The following ERVK3-1 variants were observed in gnomAD, a reference collection of about 807,000 sequenced individuals.
The protein encoded by ERVK3-1 is endogenous retrovirus group K3 member 1.
Position 58,310,349 on chromosome 19 carries a change from GGC to G in ERVK3-1, c.-3-1816_-3-1815del. 1 of 157,196 alleles carries G rather than the reference GGC, an allele frequency of 6.4e-6. No individual in the cohort carries two copies. The highest frequency in any genetic ancestry group is 6.5e-5 in the Admixed American group (1 of 15,388). The allele number at this position is 157,196 out of a possible 1,614,324, so 9.7% of individuals were successfully genotyped here. On this transcript the variant is annotated intron_variant, in intron 2 of 3. Transcript: ENST00000413518. This position sits in a 1 kb window ranked among gnomAD's most constrained non-coding sequence, Gnocchi z 4.7. ...AAAGACACAAGACAAAGAGATAAAA[GGC>G]AGCTGGGCCTGGGGGACCACTACCA...
chr19:58,314,039 G>A (rs958572281), intron 3 of ERVK3-1, among the ~76,000 whole-genome samples: 7 of 152,162 alleles, frequency 4.6e-5, no homozygotes, highest in African/African-American at 1.7e-4. Flanking sequence ...ACAAACAAAG[G>A]TAGCAATGTT....
In ERVK3-1 at chr19:58,313,590, C is replaced by T. The variant is rs1037517043; in HGVS notation, c.294+1128C>T. ...ACAGGCGTGAGCCACCATGCCCGGC[C>T]AGTTTGTGTTTTTAATCCCTATGTT... On this transcript the variant is annotated intron_variant, in intron 3 of 3. Transcript: ENST00000413518. The surrounding 1 kb of genome is among the most constrained non-coding windows in gnomAD (Gnocchi z 4.5). Among the ~76,000 whole-genome samples, 2 of 152,226 alleles carry T rather than the reference C, an allele frequency of 1.3e-5. No homozygotes were observed. Among genetic ancestry groups the T allele is most frequent in the Non-Finnish European group, 2.9e-5 (2 of 68,036 alleles).
chr19:58,307,058 A>G (rs887008300), intron 2 of ERVK3-1, among the ~76,000 whole-genome samples: 4 of 152,240 alleles, frequency 2.6e-5, no homozygotes, highest in African/African-American at 9.6e-5. Context: ...GGACATGGGA[A>G]CATTACAGAG....
exon 4 of ERVK3-1, chr19:58,315,490 A>G (rs1352326265): frequency 6.6e-6 from 1 of 152,246 alleles, no homozygotes; most frequent in Non-Finnish European, 1.5e-5. Flanking sequence ...GAACGTTTTC[A>G]GAGTTCATCC....
chr19:58,312,217 G>A lies in ERVK3-1; in HGVS notation c.49G>A (p.Gly17Arg), dbSNP rs1191170101. ...TCCAGGTGTGTGTGACCATGGAACG[G>A]GAGACCGGAGGGATCCATGGTATTC... The change falls in exon 3 of 4, where the codon GGA (glycine) becomes AGA (arginine). Residue 17 changes from glycine (G) to arginine (R), a missense_variant. By Grantham distance (125) the Gly-to-Arg change is moderately radical (BLOSUM62 -2). Transcript: ENST00000413518. This position sits in a 1 kb window ranked among gnomAD's most constrained non-coding sequence, Gnocchi z 4.7. 1.6e-4 allele frequency: 65 copies of A among 400,062 alleles called. No homozygotes were observed. In the East Asian group the frequency reaches 2.3e-3, roughly 14 times the overall value. 24.8% of individuals were successfully genotyped at this position (400,062 alleles called of 1,614,324 possible).
downstream of ERVK3-1, among the ~76,000 whole-genome samples, chr19:58,315,840 C>T (rs984894699): frequency 1.3e-5 from 2 of 152,192 alleles, no homozygotes; most frequent in Non-Finnish European, 2.9e-5. Flanking sequence ...TCCAGAATCC[C>T]AGGCCTGGGC....
intron 1 of ERVK3-1, 50 bp from the exon 2 acceptor site, chr19:58,306,038 C>T (rs1182880194): frequency 6.6e-6 from 1 of 152,342 alleles, no homozygotes; most frequent in South Asian, 2.1e-4. Flanking sequence ...CAAACAGATC[C>T]TTTTGTCTTT....
In ERVK3-1 at chr19:58,313,435, G is replaced by A. The variant is rs936841947; in HGVS notation, c.294+973G>A. Among the ~76,000 whole-genome samples, 7 of 152,056 alleles carry A rather than the reference G, an allele frequency of 4.6e-5. No individual in the cohort carries two copies. The highest frequency in any genetic ancestry group is 9.7e-5 in the African/African-American group (4 of 41,370). On this transcript the variant is annotated intron_variant, in intron 3 of 3. Transcript: ENST00000413518. This position sits in a 1 kb window ranked among gnomAD's most constrained non-coding sequence, Gnocchi z 4.5. ...CGAGTAGCTGGGATTACAGGCACCCGCCACCGTGCCAGGCTATTTTTTGTT... is the reference window on the plus strand; with the variant it reads ...CGAGTAGCTGGGATTACAGGCACCCACCACCGTGCCAGGCTATTTTTTGTT...
chr19:58,314,273 C>G (rs148941410), intron 3 of ERVK3-1, among the ~76,000 whole-genome samples: 140 of 152,228 alleles, frequency 9.2e-4, no homozygotes, highest in East Asian at 4.2e-3. Context: ...CTTGAATAAG[C>G]AAACTCAAAA....
downstream of ERVK3-1, among the ~76,000 whole-genome samples, chr19:58,316,457 G>T (rs886250119): frequency 2.0e-5 from 3 of 152,126 alleles, no homozygotes; most frequent in African/African-American, 4.8e-5. Flanking sequence ...CAGGCCTGAG[G>T]TTGGGCCTAT....
chr19:58,315,364 C>T (rs1355572087), exon 4 of ERVK3-1: 2 of 152,234 alleles, frequency 1.3e-5, no homozygotes, highest in East Asian at 3.9e-4. Flanking sequence ...TTCGCTCTTC[C>T]TCCAGCCTCT....
exon 4 of ERVK3-1, chr19:58,314,758 C>G: frequency 2.5e-6 from 1 of 399,136 alleles, no homozygotes; most frequent in East Asian, 3.6e-5. Context: ...TCTATAGGAT[C>G]GGGTGAACCA....
downstream of ERVK3-1, among the ~76,000 whole-genome samples, chr19:58,315,940 G>C (rs933494775): frequency 2.0e-5 from 3 of 152,212 alleles, no homozygotes; most frequent in East Asian, 5.8e-4. Flanking sequence ...ACCTGTCTCT[G>C]CAAGAGTCAC....
Position 58,312,520 on chromosome 19 carries a change from G to A in ERVK3-1, c.294+58G>A, listed in dbSNP as rs2051563054. ...TTGGGCATATGTTCCTAACCCACTG[G>A]TAGTACGACTGGTACTCTGGAGCGA... is the stretch of plus-strand genomic sequence containing the variant. On this transcript the variant is annotated intron_variant, in intron 3 of 3. Coordinates refer to ENST00000413518, the Ensembl canonical transcript of ERVK3-1. The surrounding 1 kb of genome is among the most constrained non-coding windows in gnomAD (Gnocchi z 4.7). 2.5e-6 allele frequency: 1 copy of A among 399,428 alleles called. No individual in the cohort carries two copies. The highest frequency in any genetic ancestry group is 2.1e-5 in the African/African-American group (1 of 48,580). 24.7% of individuals were successfully genotyped at this position (399,428 alleles called of 1,614,324 possible).
At chr19:58,307,371 G>A (rs1225266984) in intron 2 of ERVK3-1, among the ~76,000 whole-genome samples, 1 of 152,138 alleles carries the variant, frequency 6.6e-6, no homozygotes, top group Non-Finnish European at 1.5e-5. Flanking sequence ...ATTAGCACCC[G>A]TGAGATGTAC....
chr19:58,308,787 C>G (rs1600470690), intron 2 of ERVK3-1, among the ~76,000 whole-genome samples: 1 of 152,170 alleles, frequency 6.6e-6, no homozygotes. Context: ...AAAACTGACT[C>G]AACTCCATCA....
rs913479231 is a variant in ERVK3-1 at position 58,310,901 on chromosome 19, C to T, written c.-3-1265C>T. 58 of 389,988 alleles carry T rather than the reference C, an allele frequency of 1.5e-4. No homozygotes were observed. The highest frequency in any genetic ancestry group is 1.0e-3 in the African/African-American group (49 of 47,886). 24.2% of individuals were successfully genotyped at this position (389,988 alleles called of 1,614,324 possible). On this transcript the variant is annotated intron_variant, in intron 2 of 3. Transcript: ENST00000413518. The surrounding 1 kb of genome is among the most constrained non-coding windows in gnomAD (Gnocchi z 4.7). ...GACACTTTTCGCTACCGCTAGACCACGGTCTTCCCAAACGCTGGCGTCACC... is the reference window on the plus strand; with the variant it reads ...GACACTTTTCGCTACCGCTAGACCATGGTCTTCCCAAACGCTGGCGTCACC...
In ERVK3-1 at chr19:58,312,312, G is replaced by A. The variant is rs371095703; in HGVS notation, c.144G>A (p.Gly48=). 10 of 400,012 alleles carry A rather than the reference G, an allele frequency of 2.5e-5. No individual in the cohort carries two copies. Among genetic ancestry groups the A allele is most frequent in the Non-Finnish European group, 4.4e-5 (10 of 226,082 alleles). 24.8% of individuals were successfully genotyped at this position (400,012 alleles called of 1,614,324 possible). A position where few individuals can be genotyped will look rare whatever the true frequency, so the allele number is the denominator to read the frequency against. The change falls in exon 3 of 4, where the codon GGG becomes GGA. Residue 48 remains glycine (G), a synonymous_variant. Transcript: ENST00000413518. The surrounding 1 kb of genome is among the most constrained non-coding windows in gnomAD (Gnocchi z 4.7). ...ATCTGAATGCAAAGACAGAACAAGG[G>A]CCGACCGGAGTCACAATGACATCCA...
Position 58,313,441 on chromosome 19 carries a change from G to A in ERVK3-1, c.294+979G>A, listed in dbSNP as rs767148626. On this transcript the variant is annotated intron_variant, in intron 3 of 3. Transcript: ENST00000413518. The surrounding 1 kb of genome is among the most constrained non-coding windows in gnomAD (Gnocchi z 4.5). ...GCTGGGATTACAGGCACCCGCCACC[G>A]TGCCAGGCTATTTTTTGTTTTTTGT... 5.3e-5 allele frequency among the ~76,000 whole-genome samples: 8 copies of A among 151,940 alleles called. No homozygotes were observed. Among genetic ancestry groups the A allele is most frequent in the Non-Finnish European group, 8.8e-5 (6 of 67,980 alleles).
Sources: gnomAD v4.1 joint callset for allele counts (sites outside exome capture counted in the v4.1 genomes callset) on GRCh38, gnomAD v4.1.1 for gene constraint, Gnocchi (gnomAD v3.1) non-coding constraint, MANE v1.5 for transcripts, NCBI Gene and HGNC (gene_info 2026-07-23, HGNC 2026-07-21) for gene names.